GPR158: variants seen among roughly 807,000 people sequenced by gnomAD.
GPR158 encodes the protein metabotropic glycine receptor.
In GPR158, 30 loss-of-function variants were observed where a neutral mutation model predicts 78.2. That is an observed-to-expected ratio of 0.38 (90% CI 0.29 to 0.52). GPR158 has a LOEUF of 0.52. Ranked by LOEUF, GPR158 falls within the 20% of genes least tolerant of loss-of-function variation. GPR158 has a pLI of 0.83. For synonymous variants in GPR158, 581 were observed against 591.1 expected, an observed-to-expected ratio of 0.98 and a Z score of 0.25; for missense variants, 1,463 against 1,523.5, an observed-to-expected ratio of 0.96 and a Z score of 0.66.
intron 2 of GPR158, among the ~76,000 whole-genome samples, chr10:25,263,685 C>A (rs1395214680): frequency 6.6e-6 from 1 of 152,064 alleles, no homozygotes; most frequent in Non-Finnish European, 1.5e-5. Flanking sequence ...ACCTGTAATC[C>A]CAGCACTTTG....
intron 2 of GPR158, among the ~76,000 whole-genome samples, chr10:25,271,011 G>A (rs188427170): frequency 5.3e-5 from 8 of 152,238 alleles, no homozygotes; most frequent in Middle Eastern, 6.8e-3. Flanking sequence ...CTCATACTTT[G>A]TAGATATTCT....
intron 2 of GPR158, among the ~76,000 whole-genome samples, chr10:25,225,377 AG>A (rs1246576781): frequency 2.6e-5 from 4 of 152,074 alleles, no homozygotes; most frequent in Admixed American, 2.6e-4. Flanking sequence ...CCAAATATAA[AG>A]GCAATAAATG....
intron 1 of GPR158, among the ~76,000 whole-genome samples, chr10:25,212,627 CTTTTTTTT>C (rs10642944): frequency 2.5e-5 from 2 of 78,578 alleles, no homozygotes; most frequent in East Asian, 4.6e-4. Flanking sequence ...GAATTTATAG[CTTTTTTTT>C]TTTTTTTTTT....
intron 2 of GPR158, among the ~76,000 whole-genome samples, chr10:25,385,522 A>AT (rs1209027517): frequency 1.3e-5 from 2 of 152,018 alleles, no homozygotes; most frequent in East Asian, 1.9e-4. Flanking sequence ...TCTGTTTTTA[A>AT]TTTTTTTGAG....
chr10:25,229,901 G>A lies in GPR158; in HGVS notation c.1008+8744G>A, dbSNP rs533700707. The stretch of plus-strand genomic sequence containing the variant: ...TCCAGCATCCTTCTCAGTAGGAGAG[G>A]AATTGAAGTTCCCATAGGCCCTGGA... On this transcript the variant is annotated intron_variant, in intron 2 of 10. Transcript: ENST00000376351. Among the ~76,000 whole-genome samples, 12 of 152,260 alleles carry A rather than the reference G, an allele frequency of 7.9e-5. No individual in the cohort carries two copies. In the South Asian group the frequency reaches 2.5e-3, roughly 32 times the overall value.
rs1339185941 is a variant in GPR158, at chr10:25,601,331, T to C, written c.*2057T>C. 1.3e-5 allele frequency: 2 copies of C among 152,650 alleles called. No homozygotes were observed. Among genetic ancestry groups the C allele is most frequent in the Non-Finnish European group, 2.9e-5 (2 of 68,046 alleles). The allele number at this position is 152,650 out of a possible 1,614,324, so 9.5% of individuals were successfully genotyped here. On this transcript the variant is annotated 3_prime_UTR_variant, in exon 11 of 11. Transcript: ENST00000376351. ...TATAGAAATTCTATTTTTGTGTCTTTACACCATTTATTTCTTTTATCTCTT... is the reference window on the plus strand; with the variant it reads ...TATAGAAATTCTATTTTTGTGTCTTCACACCATTTATTTCTTTTATCTCTT...
At chr10:25,214,246 G>A (rs560266264) in intron 1 of GPR158, among the ~76,000 whole-genome samples, 21 of 151,920 alleles carry the variant, frequency 1.4e-4, no homozygotes, top group African/African-American at 4.1e-4. Context: ...CACCTGCTTC[G>A]GCCTCCCAAA....
intron 2 of GPR158, among the ~76,000 whole-genome samples, chr10:25,350,075 G>A (rs1373523812): frequency 6.6e-6 from 1 of 151,724 alleles, no homozygotes; most frequent in Non-Finnish European, 1.5e-5. Context: ...GGGGGATAGG[G>A]GCTGAATTTT....
intron 4 of GPR158, among the ~76,000 whole-genome samples, chr10:25,441,816 A>G (rs1835071939): frequency 6.6e-6 from 1 of 152,196 alleles, no homozygotes; most frequent in African/African-American, 2.4e-5. Flanking sequence ...TCACAATCAC[A>G]TAGACACTAC....
At chr10:25,546,718 C>T (rs1041592401) in intron 5 of GPR158, among the ~76,000 whole-genome samples, 9 of 152,272 alleles carry the variant, frequency 5.9e-5, no homozygotes, top group African/African-American at 2.2e-4. Context: ...TGTCACGGAG[C>T]CTGCAGCCTA....
chr10:25,533,438 T>C (rs1015496860), intron 5 of GPR158, among the ~76,000 whole-genome samples: 4 of 152,180 alleles, frequency 2.6e-5, no homozygotes, highest in Non-Finnish European at 5.9e-5. Flanking sequence ...TCAATCAGGG[T>C]GGAAGACCAA....
chr10:25,514,934 A>G (rs1836141310), intron 5 of GPR158, among the ~76,000 whole-genome samples: 1 of 152,106 alleles, frequency 6.6e-6, no homozygotes, highest in South Asian at 2.1e-4. Context: ...CTTTTGCTTC[A>G]TAGCTCTTAA....
intron 4 of GPR158, among the ~76,000 whole-genome samples, chr10:25,459,712 A>C (rs1835332909): frequency 6.6e-6 from 1 of 152,240 alleles, no homozygotes; most frequent in Non-Finnish European, 1.5e-5. Context: ...TATCCCAGGC[A>C]AATCTTCTAT....
chr10:25,484,273 G>A (rs1835703372), intron 5 of GPR158, among the ~76,000 whole-genome samples: 1 of 152,124 alleles, frequency 6.6e-6, no homozygotes, highest in Admixed American at 6.6e-5. Context: ...TATCTCCATG[G>A]CTCACATTCT....
chr10:25,215,789 C>T (rs995341380), intron 1 of GPR158, among the ~76,000 whole-genome samples: 5 of 152,160 alleles, frequency 3.3e-5, no homozygotes, highest in African/African-American at 1.2e-4. Context: ...GGGCTGAGAT[C>T]GTGCCACTGT....
chr10:25,318,026 A>G (rs1439069569), intron 2 of GPR158, among the ~76,000 whole-genome samples: 1 of 152,098 alleles, frequency 6.6e-6, no homozygotes, highest in Non-Finnish European at 1.5e-5. Flanking sequence ...CCTGGCCCAT[A>G]AAGTACTTTT....
intron 4 of GPR158, among the ~76,000 whole-genome samples, chr10:25,448,483 A>G (rs1414725882): frequency 6.6e-6 from 1 of 152,130 alleles, no homozygotes; most frequent in Non-Finnish European, 1.5e-5. Context: ...TATTTACTTT[A>G]TGAATGTTAT....
chr10:25,589,127 C>A lies in GPR158; in HGVS notation c.1874C>A (p.Ala625Asp), dbSNP rs1354456197. The stretch of plus-strand genomic sequence containing the variant: ...GTTCACAATGAGCTCATCATCTCTG[C>A]TATATTCCATACAATTAGGCAAGTG... ...VAVHNELIIS[A>D]IFHTIRFVLA... Residue 625 changes from alanine (A) to aspartate (D), a missense_variant, in exon 8 of 11, where the codon GCT becomes GAT. Physicochemically the swap from Ala to Asp is moderately radical, Grantham distance 126. Coordinates refer to ENST00000376351, the MANE Select transcript of GPR158 (RefSeq NM_020752.3). The A allele has an allele frequency of 6.2e-7, 1 of 1,608,934 alleles. No homozygotes were observed. The highest frequency in any genetic ancestry group is 8.5e-7 in the Non-Finnish European group (1 of 1,176,678).
intron 2 of GPR158, among the ~76,000 whole-genome samples, chr10:25,351,648 C>CTTA (rs148170196): frequency 0.018 from 2,514 of 136,082 alleles, 66 homozygotes; most frequent in African/African-American, 0.067. Context: ...CAGTTACCTG[C>CTTA]TTTTAAGGGT....
Sources: allele counts gnomAD v4.1 joint callset (sites outside exome capture counted in the v4.1 genomes callset), GRCh38; gene constraint gnomAD v4.1.1; transcripts MANE v1.5; gene names NCBI Gene and HGNC (gene_info 2026-07-23, HGNC 2026-07-21).